RIMS1: variants seen among roughly 807,000 people sequenced by gnomAD.
RIMS1 encodes the protein regulating synaptic membrane exocytosis protein 1.
In RIMS1, 83 loss-of-function variants were observed where a neutral mutation model predicts 214.1. The observed-to-expected ratio is 0.39, with a 90% CI of 0.32 to 0.47. RIMS1 has a LOEUF of 0.47. Among genes scored for constraint, RIMS1 ranks in the 20% least tolerant of loss-of-function variants. The pLI is 0.99. For missense variants in RIMS1, 2,050 were observed against 2,161.8 expected, an observed-to-expected ratio of 0.95 and a Z score of 1.03; for synonymous variants, 793 against 786.8, an observed-to-expected ratio of 1.01 and a Z score of -0.13.
At chr6:71,929,642 G>A (rs1279857308) in intron 1 of RIMS1, among the ~76,000 whole-genome samples, 1 of 152,030 alleles carries the variant, frequency 6.6e-6, no homozygotes, top group Non-Finnish European at 1.5e-5. Flanking sequence ...ATTTGGAATG[G>A]AATGAAGATA....
chr6:71,894,668 T>A (rs544451396), intron 1 of RIMS1, among the ~76,000 whole-genome samples: 1 of 152,330 alleles, frequency 6.6e-6, no homozygotes, highest in Admixed American at 6.5e-5. Context: ...TTTATTTAAA[T>A]AGATTTTGGG....
intron 2 of RIMS1, among the ~76,000 whole-genome samples, chr6:72,072,919 C>T (rs1830906508): frequency 6.6e-6 from 1 of 152,188 alleles, no homozygotes; most frequent in Admixed American, 6.5e-5. Flanking sequence ...GCAAAATAGA[C>T]AGAGCCCTCA....
chr6:71,937,789 A>C (rs1237764548), intron 1 of RIMS1, among the ~76,000 whole-genome samples: 1 of 152,158 alleles, frequency 6.6e-6, no homozygotes, highest in Non-Finnish European at 1.5e-5. Context: ...TTTCAACATA[A>C]ATTATGAAGA....
intron 6 of RIMS1, among the ~76,000 whole-genome samples, chr6:72,199,479 A>AC (rs1486920631): frequency 3.0e-4 from 46 of 152,068 alleles, no homozygotes; most frequent in Non-Finnish European, 1.0e-4. Context: ...TTTAGAATAA[A>AC]CCCTTTTTTT....
chr6:72,118,545 TC>T (rs1211295343), intron 4 of RIMS1, among the ~76,000 whole-genome samples: 1 of 151,532 alleles, frequency 6.6e-6, no homozygotes, highest in Non-Finnish European at 1.5e-5. Flanking sequence ...GGACTGATAT[TC>T]CTGATGAACA....
In RIMS1 at chr6:71,907,442, A is replaced by C. The variant is rs149035958; in HGVS notation, c.164+20255A>C. On this transcript the variant is annotated intron_variant, in intron 1 of 33. Transcript: ENST00000521978. ...GCATTCCTGAGTAAATATTTAAAAT[A>C]AATGCTGTAAAAATATTAAAAATGC... Among the ~76,000 whole-genome samples, 492 of 152,294 alleles carry C rather than the reference A, an allele frequency of 3.2e-3. 1 individual carries two copies. The highest frequency in any genetic ancestry group is 0.011 in the African/African-American group (477 of 41,574).
chr6:71,996,105 C>T (rs1365231583), intron 2 of RIMS1, among the ~76,000 whole-genome samples: 1 of 152,118 alleles, frequency 6.6e-6, no homozygotes, highest in Non-Finnish European at 1.5e-5. Context: ...GATACCAGTC[C>T]TATCAGACCA....
intron 9 of RIMS1, among the ~76,000 whole-genome samples, chr6:72,239,468 A>G (rs952511064): frequency 6.6e-6 from 1 of 152,206 alleles, no homozygotes; most frequent in African/African-American, 2.4e-5. Flanking sequence ...TGCAGACTCA[A>G]TCATATATCC....
At chr6:72,367,056 A>C (rs1392653478) in intron 29 of RIMS1, among the ~76,000 whole-genome samples, 2 of 152,226 alleles carry the variant, frequency 1.3e-5, no homozygotes, top group Admixed American at 6.5e-5. Flanking sequence ...AAAAACATAA[A>C]AATTATGCAG....
intron 2 of RIMS1, among the ~76,000 whole-genome samples, chr6:71,986,145 T>A (rs1444116719): frequency 3.3e-5 from 5 of 151,874 alleles, no homozygotes; most frequent in African/African-American, 4.8e-5. Flanking sequence ...CGTCAGAAAT[T>A]CAAACTTAAC....
intron 6 of RIMS1, among the ~76,000 whole-genome samples, chr6:72,202,196 T>C (rs1464997301): frequency 7.2e-5 from 11 of 152,300 alleles, no homozygotes; most frequent in Non-Finnish European, 1.5e-4. Context: ...AGATAATAAT[T>C]GTATTAGTTT....
intron 28 of RIMS1, among the ~76,000 whole-genome samples, chr6:72,329,204 G>A (rs972264602): frequency 6.6e-6 from 1 of 151,830 alleles, no homozygotes; most frequent in Admixed American, 6.6e-5. Flanking sequence ...ATTGGCTTAA[G>A]TAGGGAGTTC....
intron 24 of RIMS1, among the ~76,000 whole-genome samples, chr6:72,286,291 T>C (rs1004751495): frequency 6.6e-6 from 1 of 152,192 alleles, no homozygotes; most frequent in Admixed American, 6.5e-5. Context: ...AATAAGATAC[T>C]ATTTTAGAAA....
At chr6:72,315,524 T>A (rs923729660) in intron 28 of RIMS1, among the ~76,000 whole-genome samples, 1 of 152,240 alleles carries the variant, frequency 6.6e-6, no homozygotes, top group African/African-American at 2.4e-5. Context: ...TCATACTGTA[T>A]GTCAGTGATT....
chr6:72,045,003 C>T (rs182035078), intron 2 of RIMS1, among the ~76,000 whole-genome samples: 140 of 151,928 alleles, frequency 9.2e-4, no homozygotes, highest in Middle Eastern at 3.4e-3. Context: ...ATCTATACTA[C>T]TACTAGTAAG....
In RIMS1 at chr6:71,901,819, A is replaced by C. The variant is rs549002894; in HGVS notation, c.164+14632A>C. Among the ~76,000 whole-genome samples, 3 of 152,260 alleles carry C rather than the reference A, an allele frequency of 2.0e-5. No individual in the cohort carries two copies. The East Asian group carries it at 5.8e-4, about 29-fold the overall frequency. ...TAAAATGAATTCTGCAGAGACATCAAATAGGATGAGAACTACGAAAGAGCT... is the reference window on the plus strand; with the variant it reads ...TAAAATGAATTCTGCAGAGACATCACATAGGATGAGAACTACGAAAGAGCT... On this transcript the variant is annotated intron_variant, in intron 1 of 33. Transcript: ENST00000521978.
intron 29 of RIMS1, among the ~76,000 whole-genome samples, chr6:72,340,837 G>C (rs1316962132): frequency 6.6e-6 from 1 of 152,062 alleles, no homozygotes; most frequent in African/African-American, 2.4e-5. Context: ...TTGGTAGCTT[G>C]ATGGGGATGG....
intron 2 of RIMS1, among the ~76,000 whole-genome samples, chr6:72,095,116 ATTTTTTTTT>A (rs71540328): frequency 1.0e-5 from 1 of 98,980 alleles, no homozygotes; most frequent in African/African-American, 4.0e-5. Flanking sequence ...ACGCCCGACT[ATTTTTTTTT>A]TTTTTTTTTT....
At chr6:72,122,380 G>C (rs2038573332) in intron 4 of RIMS1, among the ~76,000 whole-genome samples, 1 of 151,142 alleles carries the variant, frequency 6.6e-6, no homozygotes, top group African/African-American at 2.4e-5. Context: ...AATTTTTTTT[G>C]TATTTTTAGT....
Sources: gnomAD v4.1 joint callset for allele counts (sites outside exome capture counted in the v4.1 genomes callset) on GRCh38, gnomAD v4.1.1 for gene constraint, MANE v1.5 for transcripts, NCBI Gene and HGNC (gene_info 2026-07-23, HGNC 2026-07-21) for gene names.